The following CELF2 variants were observed in gnomAD, a reference collection of about 807,000 sequenced individuals.
The protein encoded by CELF2 is CUG triplet repeat RNA-binding protein 2.
A neutral mutation model predicts 62.6 loss-of-function variants in CELF2; 8 were observed. The ratio of observed to expected loss-of-function variants is 0.13; its 90% CI spans 0.07 to 0.23. The LOEUF (loss-of-function observed/expected upper bound fraction) is 0.23. CELF2 is among the 10% of genes least tolerant of loss of function. CELF2 has a pLI of 1.00. For missense variants in CELF2, 333 were observed against 671.0 expected (o/e 0.50, Z 5.56); for synonymous variants, 258 against 250.0 (o/e 1.03, Z -0.30).
the CELF2 span, among the ~76,000 whole-genome samples, chr10:10,483,764 A>G: frequency 1.3e-5 from 2 of 152,072 alleles, no homozygotes; most frequent in Admixed American, 6.5e-5. Context: ...AAATTGAACA[A>G]CGCAAAATAT....
chr10:10,744,441 A>C, the CELF2 span, among the ~76,000 whole-genome samples: 1 of 152,206 alleles, frequency 6.6e-6, no homozygotes, highest in Admixed American at 6.5e-5. Context: ...GAGTGCTTTT[A>C]TAAGCAATTT....
the CELF2 span, among the ~76,000 whole-genome samples, chr10:10,523,335 C>T: frequency 6.6e-6 from 1 of 152,198 alleles, no homozygotes. Context: ...ATTTTAGATA[C>T]TTCAGCTAAA....
chr10:11,093,407 T>A (rs929138962), intron 1 of CELF2, among the ~76,000 whole-genome samples: 2 of 152,180 alleles, frequency 1.3e-5, no homozygotes, highest in East Asian at 3.9e-4. Flanking sequence ...CTAATAAAAA[T>A]TTTAATTTAT....
At chr10:10,880,833 G>A (rs867052776) in intron 1 of CELF2, among the ~76,000 whole-genome samples, 2 of 152,098 alleles carry the variant, frequency 1.3e-5, no homozygotes, top group African/African-American at 2.4e-5. Context: ...CCTGTTTCCC[G>A]AATTCTTTGT....
At chr10:11,170,990 A>G (rs1295311258) in intron 2 of CELF2, among the ~76,000 whole-genome samples, 1 of 152,240 alleles carries the variant, frequency 6.6e-6, no homozygotes, top group Non-Finnish European at 1.5e-5. Flanking sequence ...ATTAGAAGGT[A>G]GGAACAGCAC....
At chr10:10,761,381 G>A in the CELF2 span, among the ~76,000 whole-genome samples, 18 of 152,192 alleles carry the variant, frequency 1.2e-4, no homozygotes, top group Non-Finnish European at 1.9e-4. Flanking sequence ...AGAAATCAAA[G>A]TAGACATGGT....
rs1407944435 is a variant in CELF2 at position 10,972,388 on chromosome 10, TA to T, written c.89+52390del. ...CTGGAAAACTCATCTTATTTAAAAC[TA>T]GGAATATCCTCTGGGTATTCCCTCT... On this transcript the variant is annotated intron_variant, in intron 2 of 13. Coordinates refer to the CELF2 transcript ENST00000636488. The surrounding 1 kb of genome is among the most constrained non-coding windows in gnomAD (Gnocchi z 4.4). 6.6e-6 allele frequency among the ~76,000 whole-genome samples: 1 copy of T among 152,156 alleles called. No individual in the cohort carries two copies.
At chr10:10,592,483 A>G in the CELF2 span, among the ~76,000 whole-genome samples, 1 of 152,114 alleles carries the variant, frequency 6.6e-6, no homozygotes, top group Non-Finnish European at 1.5e-5. Flanking sequence ...ATTCCTTCAT[A>G]CTGTCAGCCA....
At chr10:10,649,628 AACC>A in the CELF2 span, among the ~76,000 whole-genome samples, 1 of 152,170 alleles carries the variant, frequency 6.6e-6, no homozygotes, top group Admixed American at 6.5e-5. Context: ...GACTTGCAAA[AACC>A]AGTAGATTTT....
chr10:11,283,070 T>C (rs1303086886), intron 8 of CELF2, among the ~76,000 whole-genome samples: 1 of 152,226 alleles, frequency 6.6e-6, no homozygotes, highest in Non-Finnish European at 1.5e-5. Flanking sequence ...ACCTGGCTTA[T>C]GAGCACGCAC....
intron 1 of CELF2, among the ~76,000 whole-genome samples, chr10:10,837,572 T>C (rs1006793147): frequency 1.3e-5 from 2 of 152,212 alleles, no homozygotes; most frequent in African/African-American, 4.8e-5. Context: ...CATGTCTCAA[T>C]GAAGGTTAGA....
intron 2 of CELF2, among the ~76,000 whole-genome samples, chr10:10,999,099 C>T (rs956273490): frequency 6.6e-6 from 1 of 152,058 alleles, no homozygotes; most frequent in South Asian, 2.1e-4. Flanking sequence ...AGGAACAGGC[C>T]CTTCCTAATC....
At chr10:10,951,436 C>T (rs563144427) in intron 2 of CELF2, among the ~76,000 whole-genome samples, 1 of 152,238 alleles carries the variant, frequency 6.6e-6, no homozygotes, top group South Asian at 2.1e-4. Context: ...TACACCTGGC[C>T]CTTCTCCAAC....
At chr10:10,656,314 G>A in the CELF2 span, among the ~76,000 whole-genome samples, 59,897 of 142,408 alleles carry the variant, frequency 0.42, 12,929 homozygotes, top group South Asian at 0.68. Flanking sequence ...TCAGTGTGGC[G>A]ATTCCTCAGG....
chr10:10,777,438 G>A, the CELF2 span, among the ~76,000 whole-genome samples: 1 of 152,100 alleles, frequency 6.6e-6, no homozygotes, highest in Non-Finnish European at 1.5e-5. Context: ...GTCCGAGCTG[G>A]CATCCTAGCT....
At chr10:11,138,277 C>T (rs1387524138) in intron 1 of CELF2, among the ~76,000 whole-genome samples, 1 of 152,166 alleles carries the variant, frequency 6.6e-6, no homozygotes, top group African/African-American at 2.4e-5. Flanking sequence ...TAGATCATTT[C>T]TAAAAAATAA....
At chr10:11,146,383 T>C (rs979955686) in intron 1 of CELF2, among the ~76,000 whole-genome samples, 1 of 152,238 alleles carries the variant, frequency 6.6e-6, no homozygotes, top group Non-Finnish European at 1.5e-5. Flanking sequence ...ACACGTATCT[T>C]AAAAAATGGA....
At chr10:10,678,806 C>T in the CELF2 span, among the ~76,000 whole-genome samples, 1 of 152,270 alleles carries the variant, frequency 6.6e-6, no homozygotes, top group East Asian at 1.9e-4. Context: ...CTGTTAGGAT[C>T]CTTTTGGAAT....
chr10:11,019,793 T>G (rs2058015515), intron 1 of CELF2, among the ~76,000 whole-genome samples: 1 of 152,190 alleles, frequency 6.6e-6, no homozygotes, highest in South Asian at 2.1e-4. Flanking sequence ...CTCTGTCCTG[T>G]CCCCCATCTT....
Sources: allele counts gnomAD v4.1 joint callset (sites outside exome capture counted in the v4.1 genomes callset), GRCh38; gene constraint gnomAD v4.1.1; non-coding constraint Gnocchi (gnomAD v3.1); transcripts MANE v1.5; gene names NCBI Gene and HGNC (gene_info 2026-07-23, HGNC 2026-07-21).